The following DISC1 variants were observed in gnomAD, a reference collection of about 807,000 sequenced individuals.
DISC1 encodes DISC1 scaffold protein, also known as disrupted in schizophrenia 1 protein.
DISC1 carries 57 observed loss-of-function variants against 84.5 expected under a neutral mutation model. The ratio of observed to expected loss-of-function variants is 0.67; its 90% CI spans 0.55 to 0.84. DISC1 has a LOEUF of 0.84. DISC1 is among the 40% of genes least tolerant of loss of function. The pLI, the probability that DISC1 is intolerant of heterozygous loss-of-function variation, is 0.00. For missense variants in DISC1, 1,000 were observed against 1,057.8 expected, an observed-to-expected ratio of 0.95 and a Z score of 0.76; for synonymous variants, 411 against 415.2, an observed-to-expected ratio of 0.99 and a Z score of 0.12.
intron 10 of DISC1, among the ~76,000 whole-genome samples, chr1:231,988,134 C>T (rs550091927): frequency 4.1e-4 from 62 of 152,208 alleles, no homozygotes; most frequent in African/African-American, 1.3e-3. Flanking sequence ...TACAGCGAGC[C>T]GAGATCGCGC....
chr1:232,003,599 A>G (rs1666978385), intron 10 of DISC1, among the ~76,000 whole-genome samples: 1 of 152,154 alleles, frequency 6.6e-6, no homozygotes, highest in Non-Finnish European at 1.5e-5. Context: ...TTAATAACAT[A>G]ATATGCCTTC....
intron 11 of DISC1, among the ~76,000 whole-genome samples, chr1:232,016,987 C>A (rs970781471): frequency 6.6e-6 from 1 of 152,092 alleles, no homozygotes; most frequent in African/African-American, 2.4e-5. Context: ...CTGTAGAACT[C>A]GGCATTTATA....
At chr1:231,640,378 T>C (rs1402949065) in intron 1 of DISC1, among the ~76,000 whole-genome samples, 2 of 152,208 alleles carry the variant, frequency 1.3e-5, no homozygotes, top group South Asian at 2.1e-4. Context: ...CAAGACATCA[T>C]GGGGTTGTAT....
rs1340780597 is a variant in DISC1, at chr1:231,761,874, G to T, written c.1269-5266G>T. On this transcript the variant is annotated intron_variant, in intron 4 of 12. Transcript: ENST00000439617. ...GCCCCTACTAAGTGCTGGGCACTGG[G>T]GCCCTCACCATGAGATGAGCTCAGT... 2.0e-5 allele frequency among the ~76,000 whole-genome samples: 3 copies of T among 152,114 alleles called. No homozygotes were observed. In the East Asian group the frequency reaches 5.8e-4, roughly 29 times the overall value.
chr1:232,034,089 C>A (rs1168763108), intron 12 of DISC1, among the ~76,000 whole-genome samples: 1 of 152,046 alleles, frequency 6.6e-6, no homozygotes. Flanking sequence ...ATCCTACAGG[C>A]AGGTTGGTTA....
At chr1:231,796,036 C>A (rs2078739236) in intron 7 of DISC1, among the ~76,000 whole-genome samples, 1 of 152,154 alleles carries the variant, frequency 6.6e-6, no homozygotes, top group Admixed American at 6.6e-5. Context: ...GCTTGACAAT[C>A]ATTTTGCCTA....
chr1:231,918,083 T>C (rs1456259510), intron 9 of DISC1, among the ~76,000 whole-genome samples: 1 of 152,166 alleles, frequency 6.6e-6, no homozygotes, highest in African/African-American at 2.4e-5. Flanking sequence ...ATCCTCAGGG[T>C]CTGTGGAGTG....
At chr1:231,777,665 G>GC (rs2077055304) in intron 6 of DISC1, among the ~76,000 whole-genome samples, 1 of 152,146 alleles carries the variant, frequency 6.6e-6, no homozygotes, top group Admixed American at 6.5e-5. Context: ...CCCTGCATAG[G>GC]CGACATCTGC....
chr1:231,904,719 T>C (rs746638086), intron 9 of DISC1, among the ~76,000 whole-genome samples: 1 of 151,920 alleles, frequency 6.6e-6, no homozygotes, highest in African/African-American at 2.4e-5. Flanking sequence ...TCATTTCCAC[T>C]AAGAGGAACC....
At chr1:231,734,274 T>G (rs1364782789) in intron 3 of DISC1, among the ~76,000 whole-genome samples, 1 of 152,200 alleles carries the variant, frequency 6.6e-6, no homozygotes, top group Non-Finnish European at 1.5e-5. Context: ...GTTGGTCATT[T>G]ACTTCCCTGG....
intron 6 of DISC1, among the ~76,000 whole-genome samples, chr1:231,788,864 G>A (rs1185562706): frequency 1.3e-5 from 2 of 151,990 alleles, no homozygotes; most frequent in Non-Finnish European, 2.9e-5. Flanking sequence ...TGTGCCTCTA[G>A]CAGAGGTGAG....
intron 6 of DISC1, among the ~76,000 whole-genome samples, chr1:231,787,655 A>T (rs1450462810): frequency 6.6e-6 from 1 of 152,224 alleles, no homozygotes. Context: ...CATTGACATT[A>T]TAGCAATAGC....
At chr1:231,791,159 G>A (rs933460199) in intron 6 of DISC1, among the ~76,000 whole-genome samples, 2 of 152,180 alleles carry the variant, frequency 1.3e-5, no homozygotes, top group African/African-American at 4.8e-5. Context: ...CAGTTTGTGA[G>A]TAAAGAATAA....
chr1:231,741,540 G>T (rs925022549), intron 3 of DISC1, among the ~76,000 whole-genome samples: 22 of 152,190 alleles, frequency 1.4e-4, no homozygotes, highest in African/African-American at 4.8e-4. Flanking sequence ...ACTGTGTCAT[G>T]GCGCCTCTTG....
At chr1:231,972,791 A>G (rs1416313852) in intron 10 of DISC1, among the ~76,000 whole-genome samples, 2 of 152,208 alleles carry the variant, frequency 1.3e-5, no homozygotes, top group Admixed American at 1.3e-4. Flanking sequence ...TCTATGATGA[A>G]CTAGCACTAC....
At chr1:232,035,030 A>G (rs1294069320) in intron 12 of DISC1, among the ~76,000 whole-genome samples, 1 of 152,184 alleles carries the variant, frequency 6.6e-6, no homozygotes, top group African/African-American at 2.4e-5. Context: ...AATTACGCAA[A>G]TGATAGAGTC....
chr1:232,027,225 C>A (rs1200456524), intron 12 of DISC1, among the ~76,000 whole-genome samples: 1 of 152,168 alleles, frequency 6.6e-6, no homozygotes, highest in Non-Finnish European at 1.5e-5. Context: ...CAATACCAAG[C>A]GTCCTAAATC....
chr1:231,697,900 C>CT lies in DISC1; in HGVS notation c.1047+3102dup, dbSNP rs112676337. Among the ~76,000 whole-genome samples, 220 of 152,230 alleles carry CT rather than the reference C, an allele frequency of 1.4e-3. 1 individual carries two copies. Among genetic ancestry groups the CT allele is most frequent in the African/African-American group, 5.1e-3 (211 of 41,550 alleles). On this transcript the variant is annotated intron_variant, in intron 2 of 12. Coordinates refer to ENST00000439617, the MANE Select transcript of DISC1 (RefSeq NM_018662.3). ...CTTTTTGTGGTCTATTTAATGCCAT[C>CT]TTTTTTTACATTTTTGTGCTCTTTA...
chr1:231,899,668 T>G (rs1260202315), intron 9 of DISC1, among the ~76,000 whole-genome samples: 3 of 152,258 alleles, frequency 2.0e-5, no homozygotes, highest in Non-Finnish European at 4.4e-5. Context: ...TCATCATTAG[T>G]GCTGAAATTA....
Sources: allele counts gnomAD v4.1 joint callset (sites outside exome capture counted in the v4.1 genomes callset), GRCh38; gene constraint gnomAD v4.1.1; transcripts MANE v1.5; gene names NCBI Gene and HGNC (gene_info 2026-07-23, HGNC 2026-07-21).